The following CYP2C18 variants were observed in gnomAD, a reference collection of about 807,000 sequenced individuals.
CYP2C18 encodes cytochrome P450 2C18.
A neutral mutation model predicts 41.3 loss-of-function variants in CYP2C18; 38 were observed. The ratio of observed to expected loss-of-function variants is 0.92; its 90% CI spans 0.71 to 1.21. The LOEUF is 1.21. Among genes scored for constraint, CYP2C18 ranks in the 50% most tolerant of loss-of-function variants. The pLI, the probability that CYP2C18 is intolerant of heterozygous loss-of-function variation, is 0.00. For missense variants in CYP2C18, 635 were observed against 591.4 expected (o/e 1.07, Z -0.77); for synonymous variants, 236 against 210.0 (o/e 1.12, Z -1.07).
chr10:94,704,611 A>T (rs1847305193), intron 4 of CYP2C18, among the ~76,000 whole-genome samples: 1 of 151,958 alleles, frequency 6.6e-6, no homozygotes, highest in Admixed American at 6.6e-5. Flanking sequence ...TGGCTGGAGC[A>T]CTCCTTGTCA....
intron 5 of CYP2C18, among the ~76,000 whole-genome samples, chr10:94,717,574 C>G (rs1325672997): frequency 6.6e-6 from 1 of 152,030 alleles, no homozygotes; most frequent in African/African-American, 2.4e-5. Flanking sequence ...ATCTTGTCTT[C>G]TAGTAGTTTA....
At chr10:94,728,630 C>A (rs997965361) in intron 7 of CYP2C18, 6 of 975,184 alleles carry the variant, frequency 6.2e-6, no homozygotes, top group Non-Finnish European at 7.3e-6. Flanking sequence ...CTGTGATCAA[C>A]CCCTCAATAA....
intron 3 of CYP2C18, among the ~76,000 whole-genome samples, chr10:94,692,666 A>G (rs557285840): frequency 1.3e-5 from 2 of 148,832 alleles, no homozygotes; most frequent in Non-Finnish European, 3.0e-5. Context: ...CCATCCCATT[A>G]CTGGGTATAT....
At chr10:94,693,813 C>T (rs1432627791) in intron 3 of CYP2C18, among the ~76,000 whole-genome samples, 1 of 152,162 alleles carries the variant, frequency 6.6e-6, no homozygotes, top group Non-Finnish European at 1.5e-5. Context: ...TCATGATACT[C>T]TCACATGTAA....
chr10:94,735,003 G>A (rs1437706266), intron 8 of CYP2C18, among the ~76,000 whole-genome samples: 1 of 152,120 alleles, frequency 6.6e-6, no homozygotes, highest in African/African-American at 2.4e-5. Flanking sequence ...TATAACGTGG[G>A]AACACTTAGT....
At chr10:94,690,626 A>C (rs1846980963) in intron 3 of CYP2C18, among the ~76,000 whole-genome samples, 2 of 152,204 alleles carry the variant, frequency 1.3e-5, no homozygotes, top group African/African-American at 4.8e-5. Context: ...TTCCTTCTGA[A>C]ACTATTCCAA....
chr10:94,693,084 A>C (rs927188538), intron 3 of CYP2C18, among the ~76,000 whole-genome samples: 3 of 152,202 alleles, frequency 2.0e-5, no homozygotes, highest in Non-Finnish European at 4.4e-5. Flanking sequence ...TAATGGGTGC[A>C]GCACACCAAC....
chr10:94,693,224 G>T (rs921651765), intron 3 of CYP2C18, among the ~76,000 whole-genome samples: 4 of 152,092 alleles, frequency 2.6e-5, no homozygotes, highest in Non-Finnish European at 5.9e-5. Context: ...TGGATCATGG[G>T]GGTGGATTTT....
intron 3 of CYP2C18, among the ~76,000 whole-genome samples, chr10:94,692,565 T>C (rs1847023108): frequency 6.6e-6 from 1 of 152,234 alleles, no homozygotes; most frequent in Admixed American, 6.5e-5. Context: ...ACTTTTACAC[T>C]GTTGGTGGGA....
At chr10:94,684,755 T>G (rs57431619) in intron 1 of CYP2C18, among the ~76,000 whole-genome samples, 12,641 of 151,790 alleles carry the variant, frequency 0.083, 643 homozygotes, top group African/African-American at 0.13. Flanking sequence ...TCTATTTTTG[T>G]TTTTTTTAGG....
chr10:94,718,043 G>T (rs1461403842), intron 5 of CYP2C18, among the ~76,000 whole-genome samples: 1 of 151,924 alleles, frequency 6.6e-6, no homozygotes, highest in African/African-American at 2.4e-5. Context: ...AATTTCTTTA[G>T]ATAGTATGGA....
At chr10:94,700,565 C>A (rs1259103652) in intron 4 of CYP2C18, among the ~76,000 whole-genome samples, 1 of 152,152 alleles carries the variant, frequency 6.6e-6, no homozygotes, top group Non-Finnish European at 1.5e-5. Flanking sequence ...GAGGCATGGG[C>A]AAGGACTTCA....
intron 5 of CYP2C18, 107 bp downstream of exon 5, chr10:94,707,067 C>T (rs7904929): frequency 0.99 from 814,200 of 819,170 alleles, 404,805 homozygotes; most frequent in East Asian, 1. Flanking sequence ...TATGTACTTA[C>T]CATGTGTATA....
At chr10:94,724,827 A>G (rs973636290) in intron 7 of CYP2C18, among the ~76,000 whole-genome samples, 1 of 151,714 alleles carries the variant, frequency 6.6e-6, no homozygotes, top group Non-Finnish European at 1.5e-5. Flanking sequence ...CATTTTGTCA[A>G]TTTCCCAAAA....
chr10:94,713,333 C>G (rs190241055), intron 5 of CYP2C18, among the ~76,000 whole-genome samples: 1 of 150,806 alleles, frequency 6.6e-6, no homozygotes, highest in South Asian at 2.1e-4. Context: ...CCTCCCCGCT[C>G]CCCCCACCCC....
At chr10:94,708,877 A>C (rs144714232) in intron 5 of CYP2C18, among the ~76,000 whole-genome samples, 1 of 152,174 alleles carries the variant, frequency 6.6e-6, no homozygotes, top group Non-Finnish European at 1.5e-5. Flanking sequence ...CAATGTTTTC[A>C]AGGTTCATTG....
At chr10:94,722,040 A>G (rs1847655194) in intron 6 of CYP2C18, among the ~76,000 whole-genome samples, 1 of 152,162 alleles carries the variant, frequency 6.6e-6, no homozygotes, top group Non-Finnish European at 1.5e-5. Flanking sequence ...GGATTGCTGG[A>G]TCAAAGGGTA....
chr10:94,724,401 G>A lies in CYP2C18; in HGVS notation c.1017G>A (p.Met339Ile), dbSNP rs1420672385. ...TTGGCAGAAACCGGAGCCCCTGTATGCAGGACAGGAGTCACATGCCCTACA... is the reference window on the plus strand; with the variant it reads ...TTGGCAGAAACCGGAGCCCCTGTATACAGGACAGGAGTCACATGCCCTACA... ...CVVGRNRSPC[M>I]QDRSHMPYTD... Residue 339 changes from methionine (M) to isoleucine (I), a missense_variant, in exon 7 of 9, where the codon ATG becomes ATA. Met to Ile is a conservative substitution (Grantham distance 10). Transcript: ENST00000285979. 1 of 1,613,572 alleles carries A rather than the reference G, an allele frequency of 6.2e-7. No homozygotes were observed. Among genetic ancestry groups the A allele is most frequent in the Admixed American group, 1.7e-5 (1 of 59,964 alleles).
chr10:94,725,815 A>G (rs868267571), intron 7 of CYP2C18, among the ~76,000 whole-genome samples: 1 of 152,232 alleles, frequency 6.6e-6, no homozygotes, highest in Middle Eastern at 3.4e-3. Context: ...TTTATTTGCT[A>G]TGATTTTCAG....
Sources: allele counts gnomAD v4.1 joint callset (sites outside exome capture counted in the v4.1 genomes callset), GRCh38; gene constraint gnomAD v4.1.1; transcripts MANE v1.5; gene names NCBI Gene and HGNC (gene_info 2026-07-23, HGNC 2026-07-21).